GLIS3: variants seen among roughly 807,000 people sequenced by gnomAD.
GLIS3 encodes zinc finger protein GLIS3.
In GLIS3, 53 loss-of-function variants were observed where a neutral mutation model predicts 78.6. The observed-to-expected ratio is 0.67, with a 90% CI of 0.54 to 0.85. The LOEUF is 0.85. GLIS3 is among the 40% of genes least tolerant of loss of function. The pLI, the probability that GLIS3 is intolerant of heterozygous loss-of-function variation, is 0.00. For missense variants in GLIS3, 1,703 were observed against 1,231.1 expected (o/e 1.38, Z -5.74); for synonymous variants, 684 against 509.9 (o/e 1.34, Z -4.60).
At chr9:4,301,130 T>C (rs186049771), upstream of GLIS3, among the ~76,000 whole-genome samples, 134 of 152,110 alleles carry the variant, frequency 8.8e-4, no homozygotes, top group Non-Finnish European at 1.4e-3. Flanking sequence ...ACTACTAGGC[T>C]TGGTCTGTAT....
At chr9:4,373,747 A>T in the GLIS3 span, among the ~76,000 whole-genome samples, 1 of 149,960 alleles carries the variant, frequency 6.7e-6, no homozygotes, top group South Asian at 2.1e-4. Flanking sequence ...CGGCTCATGC[A>T]ACCTCCACCT....
chr9:4,122,938 T>G (rs1361374770), intron 3 of GLIS3, among the ~76,000 whole-genome samples: 1 of 152,162 alleles, frequency 6.6e-6, no homozygotes, highest in Non-Finnish European at 1.5e-5. Context: ...TAGTTTGCAT[T>G]TATCATTAAG....
the GLIS3 span, among the ~76,000 whole-genome samples, chr9:4,353,669 T>C: frequency 2.0e-5 from 3 of 152,108 alleles, no homozygotes; most frequent in African/African-American, 7.2e-5. Flanking sequence ...GAGTCTAAGA[T>C]CATCTCGAGA....
intron 8 of GLIS3, among the ~76,000 whole-genome samples, chr9:3,863,867 G>A (rs944612742): frequency 6.6e-6 from 1 of 152,116 alleles, no homozygotes; most frequent in Non-Finnish European, 1.5e-5. Flanking sequence ...AGGACCCACA[G>A]CATTGCAGTG....
At chr9:4,195,160 C>G (rs998617053) in intron 2 of GLIS3, among the ~76,000 whole-genome samples, 5 of 152,260 alleles carry the variant, frequency 3.3e-5, no homozygotes, top group Non-Finnish European at 7.3e-5. Context: ...CCTTTGCTTG[C>G]TCTCAGCGCC....
intron 4 of GLIS3, among the ~76,000 whole-genome samples, chr9:4,018,252 A>G (rs1163008658): frequency 6.6e-6 from 1 of 152,194 alleles, no homozygotes; most frequent in Non-Finnish European, 1.5e-5. Context: ...AAAATGAGCA[A>G]TTAGGGTGAG....
chr9:3,837,967 G>A (rs777520604), intron 9 of GLIS3, among the ~76,000 whole-genome samples: 2 of 149,940 alleles, frequency 1.3e-5, no homozygotes, highest in Non-Finnish European at 3.0e-5. Context: ...GGTGTGGTAT[G>A]TTGGTAGTGG....
chr9:4,464,258 T>A, the GLIS3 span, among the ~76,000 whole-genome samples: 4 of 152,110 alleles, frequency 2.6e-5, no homozygotes, highest in Non-Finnish European at 5.9e-5. Flanking sequence ...AATGGTCTCT[T>A]TGTAGCATTT....
At chr9:4,011,672 T>C (rs1198749923) in intron 4 of GLIS3, among the ~76,000 whole-genome samples, 3 of 152,026 alleles carry the variant, frequency 2.0e-5, no homozygotes, top group African/African-American at 7.3e-5. Flanking sequence ...TAGGAGGGAG[T>C]TGCCCTATGA....
At chr9:4,232,826 T>C (rs1016656804) in intron 2 of GLIS3, among the ~76,000 whole-genome samples, 4 of 152,154 alleles carry the variant, frequency 2.6e-5, no homozygotes, top group African/African-American at 9.7e-5. Context: ...ATTTAAATAA[T>C]TGGCACCAAG....
At chr9:4,389,777 C>G in the GLIS3 span, among the ~76,000 whole-genome samples, 2 of 152,090 alleles carry the variant, frequency 1.3e-5, no homozygotes, top group African/African-American at 2.4e-5. Flanking sequence ...AGCAGATGTC[C>G]AAGAGGGAGT....
At chr9:4,063,172 C>A (rs908622076) in intron 4 of GLIS3, among the ~76,000 whole-genome samples, 1 of 151,996 alleles carries the variant, frequency 6.6e-6, no homozygotes, top group Non-Finnish European at 1.5e-5. Flanking sequence ...TTGCACATTT[C>A]ACAATATTCC....
At chr9:4,309,536 G>T (rs182014242) in intron 3 of GLIS3, among the ~76,000 whole-genome samples, 23 of 152,164 alleles carry the variant, frequency 1.5e-4, no homozygotes, top group African/African-American at 4.6e-4. Flanking sequence ...AAGGAGAGGG[G>T]TGGAGGTTAT....
intron 2 of GLIS3, among the ~76,000 whole-genome samples, chr9:4,132,291 G>A (rs1408058209): frequency 6.6e-6 from 1 of 152,190 alleles, no homozygotes; most frequent in Admixed American, 6.5e-5. Context: ...ATCACTGTAT[G>A]CTAGTAGGGA....
chr9:4,222,545 C>T (rs1013808793), intron 2 of GLIS3, among the ~76,000 whole-genome samples: 7 of 152,232 alleles, frequency 4.6e-5, no homozygotes, highest in African/African-American at 1.4e-4. Flanking sequence ...CAAGACTTTG[C>T]TTAACCCCAT....
chr9:3,861,937 A>T (rs909954917), intron 8 of GLIS3, among the ~76,000 whole-genome samples: 7 of 151,986 alleles, frequency 4.6e-5, no homozygotes, highest in Non-Finnish European at 1.0e-4. Flanking sequence ...CCCAGAACTT[A>T]AACTTAACTT....
intron 4 of GLIS3, among the ~76,000 whole-genome samples, chr9:4,056,570 A>C (rs1826170207): frequency 6.6e-6 from 1 of 152,212 alleles, no homozygotes; most frequent in Admixed American, 6.5e-5. Context: ...CTTTGGGAAG[A>C]AAGTAAAGGT....
At chr9:3,891,757 G>C (rs868625525) in intron 7 of GLIS3, among the ~76,000 whole-genome samples, 2 of 151,338 alleles carry the variant, frequency 1.3e-5, no homozygotes, top group Non-Finnish European at 2.9e-5. Context: ...CTATGACTCC[G>C]AACTGCCTTA....
the GLIS3 span, among the ~76,000 whole-genome samples, chr9:4,446,603 G>T: frequency 1.3e-4 from 19 of 147,402 alleles, no homozygotes; most frequent in African/African-American, 4.5e-4. Flanking sequence ...TCCACCTCCT[G>T]GGTTCAAGTG....
Sources: gnomAD v4.1 joint callset for allele counts (sites outside exome capture counted in the v4.1 genomes callset) on GRCh38, gnomAD v4.1.1 for gene constraint, MANE v1.5 for transcripts, NCBI Gene and HGNC (gene_info 2026-07-23, HGNC 2026-07-21) for gene names.